STAG1: variants seen among roughly 807,000 people sequenced by gnomAD.
STAG1 encodes the protein STAG1 cohesin complex component, also known as cohesin subunit SA-1.
A neutral mutation model predicts 170.9 loss-of-function variants in STAG1; 26 were observed. That is an observed-to-expected ratio of 0.15 (90% CI 0.11 to 0.21). The LOEUF is 0.21. STAG1 is among the 10% of genes least tolerant of loss of function. The pLI, the probability that STAG1 is intolerant of heterozygous loss-of-function variation, is 1.00. For missense variants in STAG1, 964 were observed against 1,509.5 expected (o/e 0.64, Z 5.99); for synonymous variants, 514 against 497.7 (o/e 1.03, Z -0.44).
intron 10 of STAG1, among the ~76,000 whole-genome samples, chr3:136,476,580 G>A (rs1207229664): frequency 1.3e-5 from 2 of 152,112 alleles, no homozygotes; most frequent in African/African-American, 4.8e-5. Flanking sequence ...GTCACCACAG[G>A]AACTTCTTAA....
intron 11 of STAG1, among the ~76,000 whole-genome samples, chr3:136,472,708 C>T (rs1179778481): frequency 6.6e-6 from 1 of 152,140 alleles, no homozygotes; most frequent in Non-Finnish European, 1.5e-5. Flanking sequence ...TTGCTGTTCC[C>T]TAAACCTTGT....
At chr3:136,470,414 T>C (rs2107809258) in intron 12 of STAG1, among the ~76,000 whole-genome samples, 1 of 152,176 alleles carries the variant, frequency 6.6e-6, no homozygotes, top group South Asian at 2.1e-4. Context: ...ATCAGAGAAA[T>C]GCAAATCAAA....
At chr3:136,728,740 G>A (rs1274162863) in intron 1 of STAG1, among the ~76,000 whole-genome samples, 1 of 152,116 alleles carries the variant, frequency 6.6e-6, no homozygotes, top group African/African-American at 2.4e-5. Context: ...TTCCATCACT[G>A]CAGAAAGTTA....
chr3:136,396,209 G>GTTTTTTTTTTT (rs1157402968), intron 22 of STAG1, among the ~76,000 whole-genome samples: 1 of 87,952 alleles, frequency 1.1e-5, no homozygotes, highest in African/African-American at 4.2e-5. Context: ...GTGTAACACA[G>GTTTTTTTTTTT]TTTTTTTTTT....
At chr3:136,573,695 G>T (rs985388954) in intron 4 of STAG1, among the ~76,000 whole-genome samples, 1 of 152,120 alleles carries the variant, frequency 6.6e-6, no homozygotes, top group Non-Finnish European at 1.5e-5. Context: ...CCAACTGGCC[G>T]GGCATGGTGG....
intron 4 of STAG1, among the ~76,000 whole-genome samples, chr3:136,595,676 C>CAATAAATAAATAAATA (rs59472050): frequency 7.8e-6 from 1 of 127,394 alleles, no homozygotes; most frequent in African/African-American, 3.0e-5. Context: ...GACTCCATCT[C>CAATAAATAAATAAATA]AATAAATAAA....
intron 1 of STAG1, among the ~76,000 whole-genome samples, chr3:136,654,160 TTAAAA>T (rs1559932399): frequency 2.6e-5 from 4 of 152,078 alleles, no homozygotes; most frequent in Admixed American, 2.0e-4. Context: ...GAAAAAGAAA[TTAAAA>T]TAAAAGCAAC....
chr3:136,509,847 G>A (rs781600641), intron 7 of STAG1, among the ~76,000 whole-genome samples: 1 of 152,098 alleles, frequency 6.6e-6, no homozygotes, highest in Non-Finnish European at 1.5e-5. Context: ...TATATTTAGT[G>A]ATACCTATTA....
intron 1 of STAG1, among the ~76,000 whole-genome samples, chr3:136,686,799 A>G (rs1385923982): frequency 6.6e-6 from 1 of 152,214 alleles, no homozygotes; most frequent in Admixed American, 6.5e-5. Context: ...TGTAGTAAGT[A>G]GAGGCAGCAA....
chr3:136,561,946 C>A (rs1936860008), intron 5 of STAG1, among the ~76,000 whole-genome samples: 1 of 151,836 alleles, frequency 6.6e-6, no homozygotes, highest in Non-Finnish European at 1.5e-5. Flanking sequence ...TCCGTTTTAT[C>A]CTTCTTTCAC....
At chr3:136,650,966 C>A (rs1252276884) in intron 1 of STAG1, among the ~76,000 whole-genome samples, 1 of 150,832 alleles carries the variant, frequency 6.6e-6, no homozygotes, top group East Asian at 1.9e-4. Flanking sequence ...GAGAAAAGCA[C>A]TCCCCACAGG....
intron 3 of STAG1, among the ~76,000 whole-genome samples, chr3:136,605,582 T>C (rs1938893411): frequency 6.6e-6 from 1 of 152,200 alleles, no homozygotes; most frequent in Non-Finnish European, 1.5e-5. Context: ...CCTGCTAGTA[T>C]TACCTAGAGG....
intron 5 of STAG1, among the ~76,000 whole-genome samples, chr3:136,561,530 T>C (rs771539728): frequency 8.5e-5 from 13 of 152,354 alleles, no homozygotes; most frequent in Non-Finnish European, 1.9e-4. Context: ...GGCTGTAGGA[T>C]AGTAATTTTT....
intron 1 of STAG1, among the ~76,000 whole-genome samples, chr3:136,658,373 T>C (rs530141368): frequency 6.2e-4 from 95 of 152,160 alleles, no homozygotes; most frequent in African/African-American, 2.2e-3. Flanking sequence ...TATTCCTGAG[T>C]GTTACTTGAA....
intron 28 of STAG1, among the ~76,000 whole-genome samples, chr3:136,356,978 C>T (rs1576384919): frequency 1.3e-5 from 2 of 151,372 alleles, no homozygotes; most frequent in East Asian, 1.9e-4. Flanking sequence ...GACAGAGTCT[C>T]GCTCTGTCAC....
intron 5 of STAG1, among the ~76,000 whole-genome samples, chr3:136,547,316 A>G (rs973809437): frequency 6.6e-6 from 1 of 152,138 alleles, no homozygotes; most frequent in African/African-American, 2.4e-5. Flanking sequence ...CTTTATGCAG[A>G]CTTCCTTAGT....
chr3:136,408,455 A>G (rs142919062), intron 21 of STAG1, among the ~76,000 whole-genome samples: 44 of 151,800 alleles, frequency 2.9e-4, no homozygotes, highest in African/African-American at 1.0e-3. Flanking sequence ...TCCACAAAAG[A>G]AAGTATTAGG....
chr3:136,644,498 T>C (rs1940924588), intron 1 of STAG1, among the ~76,000 whole-genome samples: 1 of 152,120 alleles, frequency 6.6e-6, no homozygotes, highest in South Asian at 2.1e-4. Flanking sequence ...CTCACTCTCA[T>C]CAATGAGATA....
chr3:136,531,570 C>A (rs1322691509), intron 6 of STAG1, among the ~76,000 whole-genome samples: 1 of 151,666 alleles, frequency 6.6e-6, no homozygotes, highest in South Asian at 2.1e-4. Flanking sequence ...CCATGGAATA[C>A]TATTGCAGCC....
Sources: gnomAD v4.1 joint callset for allele counts (sites outside exome capture counted in the v4.1 genomes callset) on GRCh38, gnomAD v4.1.1 for gene constraint, MANE v1.5 for transcripts, NCBI Gene and HGNC (gene_info 2026-07-23, HGNC 2026-07-21) for gene names.